CFAP54: variants seen among roughly 807,000 people sequenced by gnomAD.
CFAP54 encodes cilia and flagella associated protein 54.
CFAP54 carries 290 observed loss-of-function variants against 370.4 expected under a neutral mutation model. The ratio of observed to expected loss-of-function variants is 0.78; its 90% CI spans 0.71 to 0.86. The LOEUF is 0.86. CFAP54 is among the 40% of genes least tolerant of loss of function. The pLI is 0.00. For missense variants in CFAP54, 3,399 were observed against 3,528.7 expected, an observed-to-expected ratio of 0.96 and a Z score of 0.93; for synonymous variants, 1,206 against 1,236.5, an observed-to-expected ratio of 0.98 and a Z score of 0.52.
chr12:96,709,802 A>G (rs2136593316), intron 48 of CFAP54, among the ~76,000 whole-genome samples: 1 of 151,268 alleles, frequency 6.6e-6, no homozygotes, highest in Non-Finnish European at 1.5e-5. Context: ...GCTCATTGCA[A>G]CCTCTGCTTC....
intron 56 of CFAP54, among the ~76,000 whole-genome samples, chr12:96,755,666 CTTTTTTTTTTT>C (rs71758359): frequency 1.1e-5 from 1 of 88,042 alleles, no homozygotes; most frequent in African/African-American, 4.5e-5. Flanking sequence ...TTCTTTTTTC[CTTTTTTTTTTT>C]TTTTTTTTGA....
At chr12:96,766,951 G>A (rs1177486137) in intron 60 of CFAP54, among the ~76,000 whole-genome samples, 1 of 152,178 alleles carries the variant, frequency 6.6e-6, no homozygotes, top group Non-Finnish European at 1.5e-5. Context: ...GCATTCTTAT[G>A]TACATTTGTT....
rs185874108 is a variant in CFAP54, at chr12:96,663,271, G to A, written c.5461-559G>A. Reference sequence around the variant, plus strand: ...AGGAGGACTGTATTTTGAGTGATAGGTTAGTTCAAGGGATGGGAGTGAAGA... The same window carrying A: ...AGGAGGACTGTATTTTGAGTGATAGATTAGTTCAAGGGATGGGAGTGAAGA... On this transcript the variant is annotated intron_variant, in intron 38 of 67. Transcript: ENST00000524981. 2.7e-3 allele frequency among the ~76,000 whole-genome samples: 413 copies of A among 152,288 alleles called. 2 individuals carry two copies. Among genetic ancestry groups the A allele is most frequent in the African/African-American group, 9.5e-3 (393 of 41,558 alleles).
intron 26 of CFAP54, among the ~76,000 whole-genome samples, chr12:96,610,244 C>T (rs569844418): frequency 6.6e-6 from 1 of 152,298 alleles, no homozygotes; most frequent in South Asian, 2.1e-4. Flanking sequence ...ATGAAAGGTG[C>T]TGGTATAACT....
rs190593562 is a variant in CFAP54 at position 96,604,309 on chromosome 12, G to T, written c.3639+5542G>T. ...CACAGAACAGCAAATATTGCTGCCT[G>T]ATCGTTCCTCTGGAAGCTTCGTTCC... On this transcript the variant is annotated intron_variant, in intron 26 of 67. Transcript: ENST00000524981. Among the ~76,000 whole-genome samples the T allele has an allele frequency of 6.9e-4, 105 of 151,968 alleles. 1 individual carries two copies. Among genetic ancestry groups the T allele is most frequent in the Admixed American group, 3.3e-3 (51 of 15,266 alleles).
intron 6 of CFAP54, among the ~76,000 whole-genome samples, chr12:96,521,547 T>TGTGTGTGTGC (rs1323195775): frequency 1.0e-4 from 4 of 39,550 alleles, no homozygotes; most frequent in African/African-American, 3.7e-4. Context: ...TGTGTGTGTG[T>TGTGTGTGTGC]GCGCGTGCGC....
intron 65 of CFAP54, among the ~76,000 whole-genome samples, chr12:96,826,847 T>TA (rs1959117942): frequency 8.7e-6 from 1 of 115,104 alleles, no homozygotes; most frequent in Non-Finnish European, 1.6e-5. Flanking sequence ...CATATAATAT[T>TA]ATATAATATA....
Position 96,805,583 on chromosome 12 carries a change from A to C in CFAP54, c.8851-6153A>C, listed in dbSNP as rs76903845. On this transcript the variant is annotated intron_variant, in intron 63 of 67. Coordinates refer to ENST00000524981, the MANE Select transcript of CFAP54 (RefSeq NM_001306084.2). The stretch of plus-strand genomic sequence containing the variant: ...TATTATTAAAAAGTCAAAAAAAAAA[A>C]AACCAGATATTGGCAAGAATGTGGA... 9.0e-3 allele frequency among the ~76,000 whole-genome samples: 1,361 copies of C among 151,878 alleles called. 52 individuals are homozygous for C. The East Asian group carries it at 0.096, about 11-fold the overall frequency.
At chr12:96,501,013 C>A in intron 2 of CFAP54, 74 bp downstream of exon 2, 1 of 765,824 alleles carries the variant, frequency 1.3e-6, no homozygotes, top group South Asian at 2.2e-5. Context: ...TAGTCTGATA[C>A]CCTTCCTATT....
At position 96,489,617 on chromosome 12, in the gene CFAP54, C is replaced by T. The variant is rs1167912929; in HGVS notation, c.8C>T (p.Ala3Val). The change falls in exon 1 of 68, where the codon GCG (alanine) becomes GTG (valine). Residue 3 changes from alanine (A) to valine (V), a missense_variant. By Grantham distance (64) the Ala-to-Val change is moderately conservative (BLOSUM62 0). Coordinates refer to ENST00000524981, the MANE Select transcript of CFAP54 (RefSeq NM_001306084.2). ...GGGCCGGGGCGCGTCAATATGGCGG[C>T]GCAGGGCTCCCCCTCGAGCTCTCCG... is the stretch of plus-strand genomic sequence containing the variant. MA[A>V]QGSPSSSPSD... The T allele has an allele frequency of 2.6e-6, 4 of 1,518,382 alleles. No homozygotes were observed. Among genetic ancestry groups the T allele is most frequent in the Non-Finnish European group, 3.5e-6 (4 of 1,134,338 alleles). 94.1% of individuals were successfully genotyped at this position (1,518,382 alleles called of 1,614,324 possible).
At chr12:96,759,730 C>A (rs1386359146) in intron 58 of CFAP54, among the ~76,000 whole-genome samples, 1 of 152,172 alleles carries the variant, frequency 6.6e-6, no homozygotes, top group African/African-American at 2.4e-5. Context: ...AACTTACTAG[C>A]TATGTGACTG....
chr12:96,491,291 TG>T (rs1466039680), intron 1 of CFAP54, among the ~76,000 whole-genome samples: 3 of 152,142 alleles, frequency 2.0e-5, no homozygotes, highest in African/African-American at 7.2e-5. Context: ...GGGAAAGACC[TG>T]GGGTGGAATT....
In CFAP54 at chr12:96,630,216, A is replaced by T. The variant is rs1321106079; in HGVS notation, c.4215+12A>T. On this transcript the variant is annotated intron_variant, in intron 31 of 67. Coordinates refer to ENST00000524981, the MANE Select transcript of CFAP54 (RefSeq NM_001306084.2). ...TGGAAATTGGAAGAGTAAGTTTCCT[A>T]TGAGTTTTGAATTTTAGGTAATGAA... 2.3e-6 allele frequency: 3 copies of T among 1,319,968 alleles called. No individual in the cohort carries two copies. In the African/African-American group the frequency reaches 5.0e-5, roughly 22 times the overall value. The allele number at this position is 1,319,968 out of a possible 1,614,324, so 81.8% of individuals were successfully genotyped here. A position where few individuals can be genotyped will look rare whatever the true frequency, so the allele number is the denominator to read the frequency against.
chr12:96,590,359 G>T (rs949985239), intron 23 of CFAP54, among the ~76,000 whole-genome samples: 1 of 152,150 alleles, frequency 6.6e-6, no homozygotes, highest in African/African-American at 2.4e-5. Context: ...TTCCTTAAAA[G>T]AACAAAGTTT....
intron 5 of CFAP54, among the ~76,000 whole-genome samples, chr12:96,515,892 G>A (rs576658249): frequency 1.3e-5 from 2 of 150,580 alleles, no homozygotes; most frequent in African/African-American, 4.9e-5. Context: ...CTTTGAGAAA[G>A]GTGCTGTCAT....
chr12:96,627,204 G>T (rs1391523039), intron 30 of CFAP54, among the ~76,000 whole-genome samples: 2 of 152,274 alleles, frequency 1.3e-5, no homozygotes, highest in East Asian at 3.9e-4. Flanking sequence ...AGTCAGGATG[G>T]ATAATAGTAT....
chr12:96,764,008 A>C (rs2136670516), intron 58 of CFAP54, 143 bp from the exon 59 acceptor site: 1 of 524,054 alleles, frequency 1.9e-6, no homozygotes, highest in East Asian at 3.2e-5. Flanking sequence ...TTCTTTCCTC[A>C]ATGTATTTCG....
chr12:96,755,628 C>A (rs1375034425), intron 56 of CFAP54, among the ~76,000 whole-genome samples: 1 of 151,302 alleles, frequency 6.6e-6, no homozygotes, highest in Non-Finnish European at 1.5e-5. Flanking sequence ...AAATAGTATT[C>A]CGTTGTGTAT....
chr12:96,625,803 AG>A lies in CFAP54; in HGVS notation c.3973del (p.Glu1325LysfsTer3), dbSNP rs1434391413. The A allele has an allele frequency of 1.3e-6, 2 of 1,533,742 alleles. No homozygotes were observed. The highest frequency in any genetic ancestry group is 2.0e-5 in the Admixed American group (1 of 50,990). ...ATTGGTCGGTCAAAGGTGCCGTGAA[AG>A]AAGGTAGGTGAACTGGATGTGTATA... The part of the protein sequence containing the change: ...LNWSVKGAVK[E>X]VMKFKQKPRF... On this transcript the variant is annotated frameshift_variant, in exon 29 of 68. Transcript: ENST00000524981. LOFTEE classifies it high-confidence loss of function.
Sources: gnomAD v4.1 joint callset for allele counts (sites outside exome capture counted in the v4.1 genomes callset) on GRCh38, gnomAD v4.1.1 for gene constraint, MANE v1.5 for transcripts, NCBI Gene and HGNC (gene_info 2026-07-23, HGNC 2026-07-21) for gene names.